ENAH: variants seen among roughly 807,000 people sequenced by gnomAD.
The protein encoded by ENAH is ENAH actin regulator, also known as protein enabled homolog.
In ENAH, 23 loss-of-function variants were observed where a neutral mutation model predicts 78.7. That is an observed-to-expected ratio of 0.29 (90% CI 0.21 to 0.41). The LOEUF (loss-of-function observed/expected upper bound fraction) is 0.41. Ranked by LOEUF, ENAH falls within the 10% of genes least tolerant of loss-of-function variation. The probability of loss-of-function intolerance (pLI) is 1.00; values close to 1 mark genes in which losing one functional copy is unlikely to be tolerated. For synonymous variants in ENAH, 226 were observed against 241.0 expected, an observed-to-expected ratio of 0.94 and a Z score of 0.58; for missense variants, 544 against 691.0, an observed-to-expected ratio of 0.79 and a Z score of 2.39.
intron 1 of ENAH, among the ~76,000 whole-genome samples, chr1:225,593,430 T>G (rs2096887939): frequency 9.2e-6 from 1 of 108,110 alleles, no homozygotes; most frequent in Non-Finnish European, 1.8e-5. Flanking sequence ...GGGGGTGCCC[T>G]AGTATGAGAA....
At chr1:225,577,210 C>T (rs1054284566) in intron 1 of ENAH, among the ~76,000 whole-genome samples, 2 of 151,994 alleles carry the variant, frequency 1.3e-5, no homozygotes, top group South Asian at 4.2e-4. Flanking sequence ...TTTAAGGATA[C>T]CAAACTTGAT....
chr1:225,517,694 C>A, intron 5 of ENAH: 1 of 1,551,072 alleles, frequency 6.4e-7, no homozygotes, highest in Non-Finnish European at 8.7e-7. Context: ...GGTGTGTTCA[C>A]AGGAGAAGAA....
At chr1:225,515,193 T>C in intron 6 of ENAH, 1 of 344,254 alleles carries the variant, frequency 2.9e-6, no homozygotes, top group East Asian at 7.1e-5. Flanking sequence ...ATAAGCAAAA[T>C]AAATACTTAT....
At chr1:225,542,660 A>G (rs1445947272) in intron 3 of ENAH, among the ~76,000 whole-genome samples, 1 of 152,250 alleles carries the variant, frequency 6.6e-6, no homozygotes, top group African/African-American at 2.4e-5. Context: ...AAATTCTATT[A>G]AAATAGTTTG....
intron 1 of ENAH, among the ~76,000 whole-genome samples, chr1:225,616,958 AGGT>A (rs1404751457): frequency 6.6e-6 from 1 of 151,984 alleles, no homozygotes; most frequent in Non-Finnish European, 1.5e-5. Context: ...AACTAGCCAG[AGGT>A]GGTGGCAGGC....
At chr1:225,513,946 G>A (rs766555681) in intron 7 of ENAH, among the ~76,000 whole-genome samples, 1 of 151,868 alleles carries the variant, frequency 6.6e-6, no homozygotes, top group Non-Finnish European at 1.5e-5. Flanking sequence ...CTGAGATCGC[G>A]CCATGGCACT....
intron 4 of ENAH, among the ~76,000 whole-genome samples, chr1:225,520,887 C>T (rs1209921705): frequency 1.7e-5 from 2 of 116,770 alleles, no homozygotes; most frequent in African/African-American, 3.1e-5. Context: ...AAGGAGGAAG[C>T]GGGGAAGGAA....
At chr1:225,599,572 G>T (rs866311270) in intron 1 of ENAH, among the ~76,000 whole-genome samples, 1 of 152,036 alleles carries the variant, frequency 6.6e-6, no homozygotes, top group Non-Finnish European at 1.5e-5. Context: ...TTGGGAGGCT[G>T]CGGTGGGGAG....
At chr1:225,652,355 C>A in intron 1 of ENAH, 2 of 985,362 alleles carry the variant, frequency 2.0e-6, no homozygotes, top group Non-Finnish European at 2.4e-6. Flanking sequence ...ATTCTCGAAC[C>A]CCTCCCCATC....
chr1:225,561,124 C>T (rs1479719037), intron 2 of ENAH, among the ~76,000 whole-genome samples: 1 of 151,950 alleles, frequency 6.6e-6, no homozygotes, highest in Non-Finnish European at 1.5e-5. Flanking sequence ...ATCCCTGCTA[C>T]TCGGGAGGCT....
At chr1:225,499,849 G>A (rs1324029022) in intron 12 of ENAH, among the ~76,000 whole-genome samples, 1 of 152,166 alleles carries the variant, frequency 6.6e-6, no homozygotes, top group Non-Finnish European at 1.5e-5. Flanking sequence ...CTCTGTTAAA[G>A]TTTACCTTTT....
intron 1 of ENAH, among the ~76,000 whole-genome samples, chr1:225,647,050 C>T (rs1246485684): frequency 1.3e-5 from 2 of 151,850 alleles, no homozygotes; most frequent in African/African-American, 4.8e-5. Context: ...CATGTTGAAA[C>T]CCCATCTCTA....
chr1:225,553,027 A>G (rs2096648987), intron 3 of ENAH, among the ~76,000 whole-genome samples: 1 of 152,184 alleles, frequency 6.6e-6, no homozygotes, highest in African/African-American at 2.4e-5. Flanking sequence ...TGAGGTCAGA[A>G]GTTTGAGACC....
chr1:225,520,710 G>C (rs1250296759), intron 4 of ENAH, among the ~76,000 whole-genome samples: 1 of 151,918 alleles, frequency 6.6e-6, no homozygotes, highest in Non-Finnish European at 1.5e-5. Context: ...TTTAAAATCA[G>C]CCAGGCATGG....
chr1:225,600,552 G>A (rs1199791423), intron 1 of ENAH, among the ~76,000 whole-genome samples: 1 of 152,110 alleles, frequency 6.6e-6, no homozygotes, highest in Non-Finnish European at 1.5e-5. Context: ...CGACCTAAGT[G>A]AGCTTCCTTC....
intron 3 of ENAH, among the ~76,000 whole-genome samples, chr1:225,553,889 TAAC>T (rs2096653660): frequency 6.6e-6 from 1 of 152,232 alleles, no homozygotes; most frequent in Non-Finnish European, 1.5e-5. Flanking sequence ...TCTAAAGGCA[TAAC>T]AACTTTAAGT....
At chr1:225,592,782 C>A (rs1575643146) in intron 1 of ENAH, among the ~76,000 whole-genome samples, 1 of 152,170 alleles carries the variant, frequency 6.6e-6, no homozygotes, top group Non-Finnish European at 1.5e-5. Context: ...AAGAGCCTTT[C>A]TTGGACATTT....
intron 1 of ENAH, among the ~76,000 whole-genome samples, chr1:225,616,200 G>T (rs546140189): frequency 6.6e-6 from 1 of 152,104 alleles, no homozygotes; most frequent in Admixed American, 6.5e-5. Context: ...GCGGAAGGCC[G>T]CAGGGTCCTC....
chr1:225,624,251 A>AAC (rs1657532715), intron 1 of ENAH, among the ~76,000 whole-genome samples: 1 of 152,192 alleles, frequency 6.6e-6, no homozygotes, highest in Non-Finnish European at 1.5e-5. Flanking sequence ...CAGCCTGGGC[A>AAC]ACACAGCAAG....
Sources: gnomAD v4.1 joint callset for allele counts (sites outside exome capture counted in the v4.1 genomes callset) on GRCh38, gnomAD v4.1.1 for gene constraint, MANE v1.5 for transcripts, NCBI Gene and HGNC (gene_info 2026-07-23, HGNC 2026-07-21) for gene names.